The following ST3GAL3 variants were observed in gnomAD, a reference collection of about 807,000 sequenced individuals.
The protein encoded by ST3GAL3 is CMP-N-acetylneuraminate-beta-1,4-galactoside alpha-2,3-sialyltransferase.
A neutral mutation model predicts 50.1 loss-of-function variants in ST3GAL3; 21 were observed. That is an observed-to-expected ratio of 0.42 (90% confidence interval 0.30 to 0.60). ST3GAL3 has a LOEUF of 0.60. ST3GAL3 is among the 20% of genes least tolerant of loss of function. The pLI is 0.19. For synonymous variants in ST3GAL3, 183 were observed against 190.0 expected (o/e 0.96, Z 0.30); for missense variants, 353 against 489.4 (o/e 0.72, Z 2.63).
Position 43,814,588 on chromosome 1 carries a change from C to G in ST3GAL3, c.167-303C>G, listed in dbSNP as rs904442767. Among the ~76,000 whole-genome samples the G allele has an allele frequency of 3.3e-5, 5 of 152,182 alleles. No individual in the cohort carries two copies. The East Asian group carries it at 7.7e-4, about 23-fold the overall frequency. On this transcript the variant is annotated intron_variant, in intron 3 of 11. Transcript: ENST00000347631. ...CTCTTGCTTTTCCAGGTTCCAGTTT[C>G]ATGGTTTACTAAATTTCAGTTCCAA... is the stretch of plus-strand genomic sequence containing the variant.
rs188842458 is a variant in ST3GAL3, at chr1:43,828,769, A to T, written c.210-9450A>T. On this transcript the variant is annotated intron_variant, in intron 4 of 11. Transcript: ENST00000347631. ...AAACCTGACAGTCTCAAATGCTGAC[A>T]AGGATGTGGAGCAGTAGGAACGCTC... 1.7e-3 allele frequency among the ~76,000 whole-genome samples: 252 copies of T among 152,356 alleles called. 2 individuals are homozygous for T. The highest frequency in any genetic ancestry group is 5.6e-3 in the African/African-American group (234 of 41,574).
intron 2 of ST3GAL3, among the ~76,000 whole-genome samples, chr1:43,774,441 G>A (rs914687946): frequency 6.6e-6 from 1 of 152,186 alleles, no homozygotes; most frequent in Admixed American, 6.5e-5. Flanking sequence ...GGATCACTGA[G>A]GGAGCTCCAC....
intron 2 of ST3GAL3, among the ~76,000 whole-genome samples, chr1:43,753,176 G>C (rs773648552): frequency 1.3e-5 from 2 of 152,214 alleles, no homozygotes; most frequent in East Asian, 3.8e-4. Flanking sequence ...ACTGATAACA[G>C]AGTATATTCC....
intron 2 of ST3GAL3, among the ~76,000 whole-genome samples, chr1:43,744,723 C>T (rs1682830435): frequency 7.0e-6 from 1 of 141,972 alleles, no homozygotes; most frequent in Non-Finnish European, 1.6e-5. Context: ...ATATAATAGC[C>T]TGGCGTGGTG....
chr1:43,875,255 A>T (rs2073837365), intron 5 of ST3GAL3, among the ~76,000 whole-genome samples: 1 of 152,208 alleles, frequency 6.6e-6, no homozygotes, highest in Non-Finnish European at 1.5e-5. Flanking sequence ...CTATGACAGC[A>T]GGTGAGCTAT....
At chr1:43,860,511 C>G (rs1273445866) in intron 5 of ST3GAL3, among the ~76,000 whole-genome samples, 1 of 152,218 alleles carries the variant, frequency 6.6e-6, no homozygotes, top group Non-Finnish European at 1.5e-5. Context: ...AAGCTGTTGG[C>G]AAAGGCACAG....
intron 1 of ST3GAL3, among the ~76,000 whole-genome samples, chr1:43,709,189 T>C (rs1172394383): frequency 1.3e-5 from 2 of 152,144 alleles, no homozygotes; most frequent in African/African-American, 4.8e-5. Flanking sequence ...CCTGAGATGC[T>C]CATGGGTGGT....
chr1:43,913,372 G>A (rs1482534580), intron 9 of ST3GAL3: 1 of 152,216 alleles, frequency 6.6e-6, no homozygotes, highest in African/African-American at 2.4e-5. Flanking sequence ...GGTCTTCTCA[G>A]CCCTATTGTA....
intron 2 of ST3GAL3, among the ~76,000 whole-genome samples, chr1:43,784,864 T>G (rs1209866382): frequency 6.6e-6 from 1 of 152,246 alleles, no homozygotes; most frequent in African/African-American, 2.4e-5. Flanking sequence ...GCCATCAGCT[T>G]CTTCTGCCTC....
At chr1:43,805,110 A>G (rs933715380) in intron 3 of ST3GAL3, among the ~76,000 whole-genome samples, 32 of 152,210 alleles carry the variant, frequency 2.1e-4, no homozygotes, top group African/African-American at 7.7e-4. Context: ...ACTGGGGATA[A>G]CTGTTTTTAA....
At chr1:43,755,159 C>A (rs186959335) in intron 2 of ST3GAL3, among the ~76,000 whole-genome samples, 2 of 152,066 alleles carry the variant, frequency 1.3e-5, no homozygotes, top group Admixed American at 6.5e-5. Context: ...GGAATTCCTG[C>A]AAATCAAGAA....
intron 2 of ST3GAL3, among the ~76,000 whole-genome samples, chr1:43,753,759 A>G (rs1031538011): frequency 4.6e-5 from 7 of 152,136 alleles, no homozygotes; most frequent in Non-Finnish European, 1.0e-4. Context: ...GGATTCCCCT[A>G]GCTGGGCCTC....
chr1:43,813,893 A>ACGCG (rs61024703), intron 3 of ST3GAL3, among the ~76,000 whole-genome samples: 2 of 51,778 alleles, frequency 3.9e-5, no homozygotes, highest in South Asian at 7.5e-4. Context: ...ACACACACAC[A>ACGCG]CGCACACACG....
chr1:43,732,161 TGTTA>T (rs1294865537), intron 1 of ST3GAL3, among the ~76,000 whole-genome samples: 1 of 152,238 alleles, frequency 6.6e-6, no homozygotes, highest in African/African-American at 2.4e-5. Flanking sequence ...TATTCTGCAC[TGTTA>T]TTCTCCTGCC....
intron 5 of ST3GAL3, among the ~76,000 whole-genome samples, chr1:43,893,799 C>T (rs1208293380): frequency 6.6e-6 from 1 of 152,116 alleles, no homozygotes; most frequent in Non-Finnish European, 1.5e-5. Context: ...TGGTCTGAAA[C>T]CTCTCCCCTC....
chr1:43,744,922 C>CA (rs1186154072), intron 2 of ST3GAL3, among the ~76,000 whole-genome samples: 2 of 150,338 alleles, frequency 1.3e-5, no homozygotes, highest in Non-Finnish European at 3.0e-5. Flanking sequence ...ACTCGGGAGA[C>CA]AGAGGTTGCA....
intron 5 of ST3GAL3, among the ~76,000 whole-genome samples, chr1:43,852,415 A>C (rs1424659839): frequency 6.6e-6 from 1 of 152,216 alleles, no homozygotes; most frequent in Non-Finnish European, 1.5e-5. Context: ...TACCCTGTGC[A>C]CCACCACAGT....
At chr1:43,714,172 G>T (rs1051346263) in intron 1 of ST3GAL3, among the ~76,000 whole-genome samples, 1 of 151,650 alleles carries the variant, frequency 6.6e-6, no homozygotes, top group African/African-American at 2.4e-5. Context: ...GCTGAGGCAG[G>T]AGAGTCACTT....
At chr1:43,851,902 C>T (rs1177680684) in intron 5 of ST3GAL3, among the ~76,000 whole-genome samples, 1 of 152,200 alleles carries the variant, frequency 6.6e-6, no homozygotes. Flanking sequence ...AAACTTGGTG[C>T]GGGACTGCTA....
Sources: allele counts gnomAD v4.1 joint callset (sites outside exome capture counted in the v4.1 genomes callset), GRCh38; gene constraint gnomAD v4.1.1; transcripts MANE v1.5; gene names NCBI Gene and HGNC (gene_info 2026-07-23, HGNC 2026-07-21).